Variants in CD59 observed in about 807,000 individuals in gnomAD.
CD59 encodes CD59 glycoprotein.
A neutral mutation model predicts 7.0 loss-of-function variants in CD59; 3 were observed. The ratio of observed to expected loss-of-function variants is 0.43; its 90% confidence interval spans 0.19 to 1.10. The LOEUF (loss-of-function observed/expected upper bound fraction) is 1.10, where lower values mean the gene tolerates loss of function less well. CD59 is among the 50% of genes least tolerant of loss of function. CD59 has a pLI of 0.29. For missense variants in CD59, 143 were observed against 151.0 expected, an observed-to-expected ratio of 0.95 and a Z score of 0.28; for synonymous variants, 60 against 62.0, an observed-to-expected ratio of 0.97 and a Z score of 0.15.
At chr11:33,719,613 C>G (rs1191474556) in intron 2 of CD59, 1 of 152,114 alleles carries the variant, frequency 6.6e-6, no homozygotes, top group Non-Finnish European at 1.5e-5. Flanking sequence ...CAGAGCGAGA[C>G]CATGTCTAAA....
chr11:33,711,052 T>TGG lies in CD59; in HGVS notation c.170-711_170-710dup, dbSNP rs34248445. Among the ~76,000 whole-genome samples, 387 of 132,370 alleles carry TGG rather than the reference T, an allele frequency of 2.9e-3. 3 individuals are homozygous for TGG. Among genetic ancestry groups the TGG allele is most frequent in the East Asian group, 0.01 (43 of 4,180 alleles). The allele number at this position is 132,370 out of a possible 152,430, so 86.8% of individuals were successfully genotyped here. A position where few individuals can be genotyped will look rare whatever the true frequency, so the allele number is the denominator to read the frequency against. On this transcript the variant is annotated intron_variant, in intron 3 of 3. Coordinates refer to ENST00000642928, the MANE Select transcript of CD59 (RefSeq NM_000611.6). ...TGATTTAAAAAAAAAAAAATAAAGG[T>TGG]GGGGGGGGGGCAGAAAAATAGGTAA...
At position 33,735,411 on chromosome 11, in the gene CD59, T is replaced by C. The variant is rs147646997; in HGVS notation, c.-19+971A>G. Among the ~76,000 whole-genome samples, 174 of 151,758 alleles carry C rather than the reference T, an allele frequency of 1.1e-3. 2 individuals carry two copies. Among genetic ancestry groups the C allele is most frequent in the African/African-American group, 4.1e-3 (170 of 41,498 alleles). On this transcript the variant is annotated intron_variant, in intron 1 of 3. Coordinates refer to ENST00000642928, the MANE Select transcript of CD59 (RefSeq NM_000611.6). ...GCCATAAAAGGCACACTGCTTAATG[T>C]TGGTTTTTTTTGTTTGTTCTTTGTG...
chr11:33,712,247 G>A (rs1033693742), intron 3 of CD59, among the ~76,000 whole-genome samples: 1 of 152,134 alleles, frequency 6.6e-6, no homozygotes, highest in South Asian at 2.1e-4. Context: ...TGGGCACACA[G>A]GAAAATAAAG....
rs1354309170 is a variant in CD59, at chr11:33,703,682, C to T, written c.*6444G>A. On this transcript the variant is annotated 3_prime_UTR_variant, in exon 4 of 4. Coordinates refer to ENST00000642928, the MANE Select transcript of CD59 (RefSeq NM_000611.6). ...CAGGTTAGAAAGTCACAGGCCTTGG[C>T]AGCAGGCAGAGAGCCTTTACTGTCA... 4 of 152,188 alleles carry T rather than the reference C, an allele frequency of 2.6e-5. No homozygotes were observed. Among genetic ancestry groups the T allele is most frequent in the Non-Finnish European group, 2.9e-5 (2 of 68,022 alleles). 9.4% of individuals were successfully genotyped at this position (152,188 alleles called of 1,614,324 possible).
At chr11:33,733,301 T>C (rs1854470414) in intron 1 of CD59, among the ~76,000 whole-genome samples, 1 of 152,162 alleles carries the variant, frequency 6.6e-6, no homozygotes, top group African/African-American at 2.4e-5. Flanking sequence ...GCTAAATTTG[T>C]GGTGGTTTCA....
intron 3 of CD59, among the ~76,000 whole-genome samples, chr11:33,712,830 G>A (rs1853620757): frequency 6.6e-6 from 1 of 152,220 alleles, no homozygotes. Context: ...TATAGAATGT[G>A]ACCCATTTGT....
Position 33,717,605 on chromosome 11 carries a change from G to A in CD59, c.68-134C>T. The A allele has an allele frequency of 7.3e-6, 5 of 685,816 alleles. No homozygotes were observed. In the South Asian group the frequency reaches 7.7e-5, roughly 11 times the overall value. 42.5% of individuals were successfully genotyped at this position (685,816 alleles called of 1,614,324 possible). A position where few individuals can be genotyped will look rare whatever the true frequency, so the allele number is the denominator to read the frequency against. Reference sequence around the variant, plus strand: ...TCCACTCCCGCACAAATGTATAGCAGTTATATCTTTCCAAATTCAAACTAC... The same window carrying A: ...TCCACTCCCGCACAAATGTATAGCAATTATATCTTTCCAAATTCAAACTAC... On this transcript the variant is annotated intron_variant, in intron 2 of 3. Coordinates refer to ENST00000642928, the MANE Select transcript of CD59 (RefSeq NM_000611.6).
chr11:33,727,071 T>C (rs1196145164), intron 1 of CD59, among the ~76,000 whole-genome samples: 1 of 152,178 alleles, frequency 6.6e-6, no homozygotes, highest in African/African-American at 2.4e-5. Flanking sequence ...CCAGATGGAT[T>C]AATAGCTGAA....
chr11:33,722,389 G>A lies in CD59; in HGVS notation c.57C>T (p.Phe19=). ...LFGLLLVLAV[F]CHSGHSLQCY... ...GACTGGAGCACTCACCTGAATGGCAGAAGACAGCCAGGACGAGCAGCAGCC... is the reference window on the plus strand; with the variant it reads ...GACTGGAGCACTCACCTGAATGGCAAAAGACAGCCAGGACGAGCAGCAGCC... The change falls in exon 2 of 4, where the codon TTC becomes TTT. Residue 19 remains phenylalanine (F), a synonymous_variant. Transcript: ENST00000642928. 1 of 1,613,314 alleles carries A rather than the reference G, an allele frequency of 6.2e-7. No individual in the cohort carries two copies. Among genetic ancestry groups the A allele is most frequent in the Admixed American group, 1.7e-5 (1 of 60,026 alleles).
intron 1 of CD59, among the ~76,000 whole-genome samples, chr11:33,728,552 TA>T (rs1192564775): frequency 6.6e-6 from 1 of 152,142 alleles, no homozygotes; most frequent in Non-Finnish European, 1.5e-5. Flanking sequence ...ATGTAAGACC[TA>T]AAACCATAAA....
chr11:33,729,615 T>C (rs937285722), intron 1 of CD59, among the ~76,000 whole-genome samples: 15 of 152,030 alleles, frequency 9.9e-5, no homozygotes, highest in Admixed American at 5.2e-4. Context: ...TGTATACCTA[T>C]GTAACAAACC....
Position 33,706,845 on chromosome 11 carries a change from C to A in CD59, c.*3281G>T, listed in dbSNP as rs1361143414. ...TCCAAAAAGAGGCAGAAACTGATTT[C>A]TTCAAAGTAAAAAGGCACCAGGGAC... On this transcript the variant is annotated 3_prime_UTR_variant, in exon 4 of 4. Transcript: ENST00000642928. The A allele has an allele frequency of 6.6e-6, 1 of 152,166 alleles. No individual in the cohort carries two copies. Among genetic ancestry groups the A allele is most frequent in the Admixed American group, 6.5e-5 (1 of 15,280 alleles). 9.4% of individuals were successfully genotyped at this position (152,166 alleles called of 1,614,324 possible). A position where few individuals can be genotyped will look rare whatever the true frequency, so the allele number is the denominator to read the frequency against.
intron 2 of CD59, chr11:33,719,721 G>A (rs1011147872): frequency 6.6e-6 from 1 of 152,272 alleles, no homozygotes; most frequent in African/African-American, 2.4e-5. Context: ...ACTCACACAA[G>A]GACACCTGGC....
chr11:33,728,697 T>C (rs1359221669), intron 1 of CD59, among the ~76,000 whole-genome samples: 1 of 152,208 alleles, frequency 6.6e-6, no homozygotes, highest in Non-Finnish European at 1.5e-5. Context: ...AAAGAGCTTC[T>C]GCACAGCAAA....
chr11:33,722,501 C>A, intron 1 of CD59, 38 bp from the exon 2 acceptor site: 1 of 1,610,440 alleles, frequency 6.2e-7, no homozygotes, highest in Non-Finnish European at 8.5e-7. Context: ...CAGGAACGAA[C>A]AAATGACTGC....
At chr11:33,733,321 G>C (rs1295984423) in intron 1 of CD59, among the ~76,000 whole-genome samples, 1 of 152,178 alleles carries the variant, frequency 6.6e-6, no homozygotes, top group East Asian at 1.9e-4. Flanking sequence ...AGCAGCAGTA[G>C]AAAATTATTA....
chr11:33,733,187 G>A (rs1393374790), intron 1 of CD59, among the ~76,000 whole-genome samples: 1 of 152,226 alleles, frequency 6.6e-6, no homozygotes, highest in Non-Finnish European at 1.5e-5. Context: ...AGAGCCTCCA[G>A]AGCAGCACAG....
chr11:33,734,863 A>C (rs1220667684), intron 1 of CD59, among the ~76,000 whole-genome samples: 1 of 152,178 alleles, frequency 6.6e-6, no homozygotes, highest in South Asian at 2.1e-4. Flanking sequence ...ACTTTTCAAG[A>C]GCTTCTACCA....
intron 1 of CD59, among the ~76,000 whole-genome samples, chr11:33,725,110 G>T (rs1275232789): frequency 6.6e-6 from 1 of 151,880 alleles, no homozygotes; most frequent in Non-Finnish European, 1.5e-5. Flanking sequence ...TTTTCTTCCT[G>T]ATCCTTTACT....
Sources: allele counts gnomAD v4.1 joint callset (sites outside exome capture counted in the v4.1 genomes callset), GRCh38; gene constraint gnomAD v4.1.1; transcripts MANE v1.5; gene names NCBI Gene and HGNC (gene_info 2026-07-23, HGNC 2026-07-21).